Variants in KREMEN1 observed in about 807,000 individuals in gnomAD.
The protein encoded by KREMEN1 is kringle containing transmembrane protein 1.
In KREMEN1, 30 loss-of-function variants were observed where a neutral mutation model predicts 46.5. That is an observed-to-expected ratio of 0.65 (90% CI 0.48 to 0.88). KREMEN1 has a LOEUF of 0.88. KREMEN1 is among the 40% of genes least tolerant of loss of function. The pLI is 0.00. For missense variants in KREMEN1, 533 were observed against 596.9 expected, an observed-to-expected ratio of 0.89 and a Z score of 1.11; for synonymous variants, 214 against 230.6, an observed-to-expected ratio of 0.93 and a Z score of 0.65.
intron 3 of KREMEN1, among the ~76,000 whole-genome samples, chr22:29,106,027 A>G (rs890903798): frequency 9.2e-5 from 14 of 152,238 alleles, no homozygotes; most frequent in Admixed American, 3.3e-4. Context: ...AGGGTTTTTA[A>G]AACTGTGTTT....
At position 29,127,761 on chromosome 22, in the gene KREMEN1, G is replaced by A. The variant is rs150891474; in HGVS notation, c.631+2345G>A. The stretch of plus-strand genomic sequence containing the variant: ...ATATACCTGAGAGAACTGAAAACAT[G>A]TTTCCACAAAAAACATACATACCAA... On this transcript the variant is annotated intron_variant, in intron 5 of 8. Coordinates refer to ENST00000400335, the MANE Select transcript of KREMEN1 (RefSeq NM_001039570.3). Among the ~76,000 whole-genome samples the A allele has an allele frequency of 9.0e-3, 1,367 of 152,176 alleles. 14 individuals are homozygous for A. The highest frequency in any genetic ancestry group is 0.031 in the African/African-American group (1,304 of 41,530).
intron 9 of KREMEN1, among the ~76,000 whole-genome samples, chr22:29,155,341 C>G (rs2038952160): frequency 1.3e-5 from 2 of 152,104 alleles, no homozygotes; most frequent in South Asian, 4.2e-4. Context: ...TCGAGACCAG[C>G]CTGGGCAACA....
intron 9 of KREMEN1, among the ~76,000 whole-genome samples, chr22:29,162,718 A>C (rs1002907691): frequency 6.6e-6 from 1 of 152,158 alleles, no homozygotes; most frequent in Non-Finnish European, 1.5e-5. Context: ...GTCACACAAA[A>C]AAAAAGAAAA....
At position 29,073,220 on chromosome 22, in the gene KREMEN1, C is replaced by T; in HGVS notation, c.90C>T (p.Pro30=). 1.7e-6 allele frequency: 2 copies of T among 1,173,912 alleles called. No homozygotes were observed. The highest frequency in any genetic ancestry group is 2.1e-6 in the Non-Finnish European group (2 of 950,044). The allele number at this position is 1,173,912 out of a possible 1,614,324, so 72.7% of individuals were successfully genotyped here. A position where few individuals can be genotyped will look rare whatever the true frequency, so the allele number is the denominator to read the frequency against. The change falls in exon 1 of 9, where the codon CCC becomes CCT. Residue 30 remains proline (P), a synonymous_variant. Coordinates refer to ENST00000400335, the MANE Select transcript of KREMEN1 (RefSeq NM_001039570.3). This position sits in a 1 kb window ranked among gnomAD's most constrained non-coding sequence, Gnocchi z 4.4. ...CCGCGCCTAGCCCCGGCCTCGGCCC[C>T]GGACCCGGTGAGTGTGAGCGACCCC... is the stretch of plus-strand genomic sequence containing the variant. The part of the protein sequence containing the change: ...ARPAPSPGLG[P]GPECFTANGA...
downstream of KREMEN1, among the ~76,000 whole-genome samples, chr22:29,148,540 G>A (rs190584494): frequency 7.9e-5 from 12 of 151,264 alleles, 1 homozygote; most frequent in Admixed American, 7.9e-4. Flanking sequence ...TGCAACCTCC[G>A]CCTCCCGGGT....
In KREMEN1 at chr22:29,138,738, A is replaced by G. The variant is rs766331382; in HGVS notation, c.1079A>G (p.Tyr360Cys). The G allele has an allele frequency of 3.7e-6, 6 of 1,614,058 alleles. No individual in the cohort carries two copies. Among genetic ancestry groups the G allele is most frequent in the African/African-American group, 1.3e-5 (1 of 74,912 alleles). ...GCTGCCCGGTCCTCCAAAGTCCTCT[A>G]TGTCATCACCACCAGCCCCAGCCAC... ...VSAARSSKVLYVITTSPSHPP... is the reference protein window; with the variant it reads ...VSAARSSKVLCVITTSPSHPP... Residue 360 changes from tyrosine (Y) to cysteine (C), a missense_variant, in exon 7 of 9, where the codon TAT becomes TGT. By Grantham distance (194) the Tyr-to-Cys change is radical. Transcript: ENST00000400335.
chr22:29,137,808 A>ACC (rs2038694875), intron 6 of KREMEN1, 134 bp downstream of exon 6: 9 of 602,108 alleles, frequency 1.5e-5, no homozygotes, highest in Non-Finnish European at 2.4e-5. Context: ...CTTGCAGATC[A>ACC]CCCCGAGGCT....
chr22:29,155,112 T>C (rs1315014970), intron 9 of KREMEN1, among the ~76,000 whole-genome samples: 2 of 4,126 alleles, frequency 4.8e-4, no homozygotes, highest in Non-Finnish European at 1.2e-3. Context: ...TAAGTGTAAT[T>C]TTTTTTTTTT....
intron 9 of KREMEN1, among the ~76,000 whole-genome samples, chr22:29,166,667 G>A (rs1027318648): frequency 5.9e-5 from 9 of 152,246 alleles, no homozygotes; most frequent in Non-Finnish European, 1.2e-4. Context: ...GGCCAGGCGC[G>A]GTAGCTCACA....
intron 3 of KREMEN1, among the ~76,000 whole-genome samples, chr22:29,103,101 T>G (rs2038000408): frequency 6.6e-6 from 1 of 152,238 alleles, no homozygotes; most frequent in Non-Finnish European, 1.5e-5. Flanking sequence ...AGCCATCCTA[T>G]TTTAGGCCAC....
intron 9 of KREMEN1, among the ~76,000 whole-genome samples, chr22:29,159,556 T>C (rs1601824643): frequency 6.6e-6 from 1 of 151,834 alleles, no homozygotes; most frequent in Non-Finnish European, 1.5e-5. Context: ...GAGACGGAGG[T>C]TGCAGTGAGC....
At chr22:29,114,136 C>T (rs134684) in intron 3 of KREMEN1, among the ~76,000 whole-genome samples, 86,633 of 151,368 alleles carry the variant, frequency 0.57, 25,850 homozygotes, top group African/African-American at 0.73. Flanking sequence ...GGTAATTAGG[C>T]TTAGATGAGG....
intron 7 of KREMEN1, among the ~76,000 whole-genome samples, chr22:29,139,495 T>C (rs1031286971): frequency 1.3e-5 from 2 of 152,142 alleles, no homozygotes. Context: ...CCCAGCTACT[T>C]AGGAGGTTGA....
At chr22:29,156,691 A>G (rs1450049142) in intron 9 of KREMEN1, among the ~76,000 whole-genome samples, 2 of 152,246 alleles carry the variant, frequency 1.3e-5, no homozygotes, top group East Asian at 3.8e-4. Flanking sequence ...CAGCCCTAGC[A>G]TTCATCAAAC....
intron 9 of KREMEN1, among the ~76,000 whole-genome samples, chr22:29,153,188 T>C (rs1199323947): frequency 6.6e-6 from 1 of 152,140 alleles, no homozygotes; most frequent in Non-Finnish European, 1.5e-5. Context: ...CAACCAGCCA[T>C]GTTGGTTTTG....
At chr22:29,124,309 G>T (rs1186876444) in intron 4 of KREMEN1, among the ~76,000 whole-genome samples, 1 of 152,062 alleles carries the variant, frequency 6.6e-6, no homozygotes, top group Non-Finnish European at 1.5e-5. Context: ...GTCTCAAAAA[G>T]ATTACATACT....
At chr22:29,110,282 T>C (rs1255277753) in intron 3 of KREMEN1, among the ~76,000 whole-genome samples, 1 of 152,236 alleles carries the variant, frequency 6.6e-6, no homozygotes, top group Non-Finnish European at 1.5e-5. Context: ...AGACTTCTTA[T>C]ACGGTGGCTG....
chr22:29,097,492 T>TGAC (rs2037899293), intron 2 of KREMEN1, among the ~76,000 whole-genome samples: 1 of 152,250 alleles, frequency 6.6e-6, no homozygotes, highest in African/African-American at 2.4e-5. Flanking sequence ...CGCAGTTTTC[T>TGAC]TCAGTATTCT....
At chr22:29,081,708 A>G (rs554913613) in intron 1 of KREMEN1, among the ~76,000 whole-genome samples, 1 of 152,302 alleles carries the variant, frequency 6.6e-6, no homozygotes, top group South Asian at 2.1e-4. Context: ...GCCAGAACTT[A>G]TGAAACCCAT....
Sources: gnomAD v4.1 joint callset for allele counts (sites outside exome capture counted in the v4.1 genomes callset) on GRCh38, gnomAD v4.1.1 for gene constraint, Gnocchi (gnomAD v3.1) non-coding constraint, MANE v1.5 for transcripts, NCBI Gene and HGNC (gene_info 2026-07-23, HGNC 2026-07-21) for gene names.